Variants in PTPN4 observed in about 807,000 individuals in gnomAD.
PTPN4 encodes tyrosine-protein phosphatase non-receptor type 4.
A neutral mutation model predicts 135.5 loss-of-function variants in PTPN4; 49 were observed. The observed-to-expected ratio is 0.36, with a 90% CI of 0.29 to 0.46. The LOEUF (loss-of-function observed/expected upper bound fraction) is 0.46, where lower values mean the gene tolerates loss of function less well. Among genes scored for constraint, PTPN4 ranks in the 20% least tolerant of loss-of-function variants. The probability of loss-of-function intolerance (pLI) is 1.00; values close to 1 mark genes in which losing one functional copy is unlikely to be tolerated. For missense variants in PTPN4, 860 were observed against 1,101.0 expected, an observed-to-expected ratio of 0.78 and a Z score of 3.10; for synonymous variants, 333 against 369.9, an observed-to-expected ratio of 0.90 and a Z score of 1.14.
At chr2:119,971,718 A>G (rs1679537262) in intron 26 of PTPN4, among the ~76,000 whole-genome samples, 1 of 152,170 alleles carries the variant, frequency 6.6e-6, no homozygotes, top group South Asian at 2.1e-4. Context: ...TGCTTTTGGT[A>G]TCATAGATGA....
intron 1 of PTPN4, 70 bp from the exon 2 acceptor site, chr2:119,809,766 CT>C: frequency 1.6e-6 from 2 of 1,285,790 alleles, no homozygotes; most frequent in South Asian, 3.3e-5. Flanking sequence ...TATATAATAA[CT>C]TTGCCTTTTA....
intron 2 of PTPN4, among the ~76,000 whole-genome samples, chr2:119,820,860 T>C (rs926436934): frequency 2.3e-5 from 3 of 130,640 alleles, no homozygotes; most frequent in Non-Finnish European, 3.3e-5. Context: ...TACATATATA[T>C]ATACACAGCT....
At chr2:119,813,828 T>TA (rs34102817) in intron 2 of PTPN4, among the ~76,000 whole-genome samples, 5,748 of 152,242 alleles carry the variant, frequency 0.038, 374 homozygotes, top group African/African-American at 0.13. Flanking sequence ...CCTCATCACT[T>TA]ACTGTACCCA....
intron 2 of PTPN4, among the ~76,000 whole-genome samples, chr2:119,832,016 ATGATT>A (rs1380284747): frequency 6.6e-6 from 1 of 152,124 alleles, no homozygotes; most frequent in African/African-American, 2.4e-5. Flanking sequence ...TCTATGTGGT[ATGATT>A]TTTGTTGTTG....
chr2:119,775,802 GATATCTATATCTATATCT>G (rs56763862), intron 1 of PTPN4, among the ~76,000 whole-genome samples: 272 of 149,990 alleles, frequency 1.8e-3, no homozygotes, highest in Middle Eastern at 6.9e-3. Context: ...AGAGATTGTG[GATATCTATATCTATATCT>G]ATATCTATAT....
At chr2:119,910,955 G>C (rs538391170) in intron 10 of PTPN4, among the ~76,000 whole-genome samples, 3 of 152,104 alleles carry the variant, frequency 2.0e-5, no homozygotes, top group South Asian at 2.1e-4. Flanking sequence ...CAAATTCCTT[G>C]AAAGACACAA....
chr2:119,887,064 G>A (rs764587741), intron 9 of PTPN4, among the ~76,000 whole-genome samples: 2 of 150,368 alleles, frequency 1.3e-5, no homozygotes, highest in African/African-American at 4.9e-5. Flanking sequence ...CCTTATTTAG[G>A]GCCTATATCT....
rs1679630802 is a variant in PTPN4 at position 119,977,187 on chromosome 2, A to G, written c.*117A>G. ...AAAAAAAAAATGAAGAACTCAAAAA[A>G]ACTTTGAAAACTTCAGCACTGTTGC... On this transcript the variant is annotated 3_prime_UTR_variant, in exon 27 of 27. Transcript: ENST00000263708. 1.4e-6 allele frequency: 2 copies of G among 1,379,660 alleles called. No individual in the cohort carries two copies. The highest frequency in any genetic ancestry group is 1.9e-6 in the Non-Finnish European group (2 of 1,063,416). 85.5% of individuals were successfully genotyped at this position (1,379,660 alleles called of 1,614,324 possible).
chr2:119,865,639 A>C (rs775572030), intron 3 of PTPN4, among the ~76,000 whole-genome samples: 5 of 152,074 alleles, frequency 3.3e-5, no homozygotes, highest in Non-Finnish European at 7.4e-5. Context: ...TAAAATTACT[A>C]TCAGTGATCC....
At chr2:119,926,476 T>C in intron 12 of PTPN4, 122 bp from the exon 13 acceptor site, 2 of 577,634 alleles carry the variant, frequency 3.5e-6, no homozygotes. Flanking sequence ...ATTCTCTGCT[T>C]CCTTTTCTCT....
intron 2 of PTPN4, among the ~76,000 whole-genome samples, chr2:119,825,493 G>GCC (rs1677133235): frequency 7.4e-6 from 1 of 135,790 alleles, no homozygotes; most frequent in Admixed American, 7.3e-5. Context: ...TAGAACCCAA[G>GCC]CCTTTTTTTT....
At chr2:119,956,651 A>G (rs1679291544) in intron 20 of PTPN4, among the ~76,000 whole-genome samples, 193 bp from the exon 21 acceptor site, 1 of 152,224 alleles carries the variant, frequency 6.6e-6, no homozygotes, top group South Asian at 2.1e-4. Context: ...CACATAATTT[A>G]TGTTAGAAAC....
At chr2:119,801,242 C>T (rs1004714560) in intron 1 of PTPN4, among the ~76,000 whole-genome samples, 3 of 152,218 alleles carry the variant, frequency 2.0e-5, no homozygotes, top group South Asian at 2.1e-4. Context: ...CATGCATCAC[C>T]ACGCCTGGCT....
intron 1 of PTPN4, among the ~76,000 whole-genome samples, chr2:119,782,727 A>G: frequency 1.3e-5 from 1 of 75,768 alleles, no homozygotes; most frequent in African/African-American, 5.1e-5. Context: ...TTTTTTTTTG[A>G]GACGACCTCA....
Position 119,981,858 on chromosome 2 carries a change from TTGC to T in PTPN4, c.*4793_*4795del, listed in dbSNP as rs1379384667. On this transcript the variant is annotated 3_prime_UTR_variant, in exon 27 of 27. Transcript: ENST00000263708. ...TAGTTATTTCTGTTTGCATATAAATTTGCTGCTATTTATTTGTATGTTTTTCTA... is the reference window on the plus strand; with the variant it reads ...TAGTTATTTCTGTTTGCATATAAATTTGCTATTTATTTGTATGTTTTTCTA... 1 of 152,140 alleles carries T rather than the reference TTGC, an allele frequency of 6.6e-6. No homozygotes were observed. Among genetic ancestry groups the T allele is most frequent in the Non-Finnish European group, 1.5e-5 (1 of 67,992 alleles). The allele number at this position is 152,140 out of a possible 1,614,324, so 9.4% of individuals were successfully genotyped here. A position where few individuals can be genotyped will look rare whatever the true frequency, so the allele number is the denominator to read the frequency against.
intron 26 of PTPN4, among the ~76,000 whole-genome samples, chr2:119,970,260 A>G (rs2105065000): frequency 6.6e-6 from 1 of 151,814 alleles, no homozygotes; most frequent in South Asian, 2.1e-4. Context: ...GGGTCTCTCC[A>G]TGTTGACTAG....
At chr2:119,782,609 A>G (rs1025134764) in intron 1 of PTPN4, among the ~76,000 whole-genome samples, 5 of 151,796 alleles carry the variant, frequency 3.3e-5, no homozygotes, top group South Asian at 2.1e-4. Context: ...ATAGACAGTA[A>G]CAGATTTAGA....
intron 1 of PTPN4, among the ~76,000 whole-genome samples, chr2:119,798,287 C>G (rs1335509967): frequency 1.3e-5 from 2 of 152,016 alleles, no homozygotes; most frequent in Non-Finnish European, 2.9e-5. Context: ...CTGCCTCAGC[C>G]TACCGGGTAG....
At chr2:119,792,549 T>C (rs919534983) in intron 1 of PTPN4, among the ~76,000 whole-genome samples, 1 of 152,242 alleles carries the variant, frequency 6.6e-6, no homozygotes, top group African/African-American at 2.4e-5. Context: ...TTTGCACTTA[T>C]ATTTACCATC....
Sources: allele counts gnomAD v4.1 joint callset (sites outside exome capture counted in the v4.1 genomes callset), GRCh38; gene constraint gnomAD v4.1.1; transcripts MANE v1.5; gene names NCBI Gene and HGNC (gene_info 2026-07-23, HGNC 2026-07-21).